CTNNA2: variants seen among roughly 807,000 people sequenced by gnomAD.
The protein encoded by CTNNA2 is catenin alpha 2.
A neutral mutation model predicts 101.0 loss-of-function variants in CTNNA2; 42 were observed. The observed-to-expected ratio is 0.42, with a 90% CI of 0.32 to 0.54. The LOEUF is 0.54. CTNNA2 is among the 20% of genes least tolerant of loss of function. The pLI is 0.14. For missense variants in CTNNA2, 871 were observed against 1,223.1 expected (o/e 0.71, Z 4.29); for synonymous variants, 450 against 456.4 (o/e 0.99, Z 0.18).
intron 1 of CTNNA2, among the ~76,000 whole-genome samples, chr2:79,649,591 G>A (rs749965723): frequency 6.6e-6 from 1 of 152,150 alleles, no homozygotes; most frequent in Admixed American, 6.5e-5. Context: ...GTTGCCCAGC[G>A]GCAGAATTCT....
intron 7 of CTNNA2, among the ~76,000 whole-genome samples, chr2:80,121,531 A>G (rs947188131): frequency 5.3e-5 from 8 of 152,190 alleles, no homozygotes; most frequent in African/African-American, 1.9e-4. Context: ...GTGCCTTAGA[A>G]TCATTAAAAG....
At chr2:79,187,784 A>G (rs1673800407) in intron 1 of CTNNA2, among the ~76,000 whole-genome samples, 2 of 152,206 alleles carry the variant, frequency 1.3e-5, no homozygotes, top group South Asian at 4.1e-4. Flanking sequence ...CAAGTAGGAA[A>G]GACTTTTGTG....
intron 7 of CTNNA2, among the ~76,000 whole-genome samples, chr2:80,118,595 T>G (rs75179110): frequency 0.016 from 2,389 of 152,374 alleles, 56 homozygotes; most frequent in African/African-American, 0.051. Context: ...AATTACGTTC[T>G]AATTTACTCA....
chr2:80,367,929 G>A (rs534106232), intron 7 of CTNNA2, among the ~76,000 whole-genome samples: 3 of 152,078 alleles, frequency 2.0e-5, no homozygotes, highest in Non-Finnish European at 4.4e-5. Context: ...GTTTAGATGT[G>A]ACTTTTGGCA....
chr2:80,505,679 G>T (rs887721918), intron 9 of CTNNA2, among the ~76,000 whole-genome samples: 2 of 152,178 alleles, frequency 1.3e-5, no homozygotes, highest in South Asian at 4.1e-4. Flanking sequence ...ATTTCAAGTT[G>T]TTCCCAACGT....
intron 3 of CTNNA2, among the ~76,000 whole-genome samples, chr2:79,828,593 A>G (rs1324646753): frequency 6.6e-6 from 1 of 152,244 alleles, no homozygotes; most frequent in African/African-American, 2.4e-5. Context: ...TCAGACAGCC[A>G]GTAAAGCAAA....
chr2:80,333,627 C>CT (rs1671534938), intron 7 of CTNNA2, among the ~76,000 whole-genome samples: 2 of 151,616 alleles, frequency 1.3e-5, no homozygotes, highest in Admixed American at 6.6e-5. Flanking sequence ...TTTTTTTCTT[C>CT]TTTTTTCTGG....
At chr2:79,424,308 C>A (rs1192890165) in intron 4 of CTNNA2, among the ~76,000 whole-genome samples, 1 of 152,216 alleles carries the variant, frequency 6.6e-6, no homozygotes, top group African/African-American at 2.4e-5. Context: ...TCAGAAAAAA[C>A]ATTCTTATGT....
rs573039363 is a variant in CTNNA2 at position 79,365,764 on chromosome 2, T to C, written c.-317-8067T>C. On this transcript the variant is annotated intron_variant, in intron 3 of 21. Coordinates refer to the CTNNA2 transcript ENST00000466387. ...AAATATGAATGTGACTCCTTCTTTGTGGTTCTTTCAGCCGCAGCAACTTTG... is the reference window on the plus strand; with the variant it reads ...AAATATGAATGTGACTCCTTCTTTGCGGTTCTTTCAGCCGCAGCAACTTTG... 2.0e-5 allele frequency among the ~76,000 whole-genome samples: 3 copies of C among 152,278 alleles called. No individual in the cohort carries two copies. In the South Asian group the frequency reaches 6.2e-4, roughly 32 times the overall value.
At chr2:80,061,739 T>G (rs1697613474) in intron 7 of CTNNA2, among the ~76,000 whole-genome samples, 1 of 152,176 alleles carries the variant, frequency 6.6e-6, no homozygotes, top group African/African-American at 2.4e-5. Flanking sequence ...TATAATACAC[T>G]GAGAGTTCTA....
chr2:79,344,258 G>A (rs1255646282), intron 3 of CTNNA2, among the ~76,000 whole-genome samples: 1 of 152,172 alleles, frequency 6.6e-6, no homozygotes, highest in Non-Finnish European at 1.5e-5. Flanking sequence ...AGAAAGCCAG[G>A]GAATGATGCT....
chr2:80,259,092 A>T (rs1672398183), intron 7 of CTNNA2, among the ~76,000 whole-genome samples: 1 of 152,068 alleles, frequency 6.6e-6, no homozygotes, highest in Non-Finnish European at 1.5e-5. Flanking sequence ...TCCAGGAGTG[A>T]TTGACTCATG....
intron 7 of CTNNA2, among the ~76,000 whole-genome samples, chr2:79,965,107 G>A (rs1689939962): frequency 1.3e-5 from 2 of 152,132 alleles, no homozygotes; most frequent in African/African-American, 4.8e-5. Context: ...AAGTCACTCC[G>A]AGGAGTCATT....
intron 7 of CTNNA2, among the ~76,000 whole-genome samples, chr2:80,111,523 T>C (rs1701207589): frequency 6.6e-6 from 1 of 152,172 alleles, no homozygotes; most frequent in African/African-American, 2.4e-5. Context: ...TATGAAGGGC[T>C]TGATGTTGAG....
intron 7 of CTNNA2, among the ~76,000 whole-genome samples, chr2:80,306,097 A>G (rs1676913793): frequency 6.6e-6 from 1 of 152,162 alleles, no homozygotes; most frequent in Non-Finnish European, 1.5e-5. Context: ...GACTGGTGGT[A>G]CTTTTCAGGA....
intron 4 of CTNNA2, among the ~76,000 whole-genome samples, chr2:79,412,668 G>A (rs1394292677): frequency 1.3e-5 from 2 of 152,116 alleles, no homozygotes; most frequent in East Asian, 1.9e-4. Context: ...CGAAATGAAG[G>A]CAGAAATAAA....
intron 2 of CTNNA2, among the ~76,000 whole-genome samples, chr2:79,664,402 T>C (rs183181749): frequency 1.8e-4 from 27 of 152,336 alleles, no homozygotes; most frequent in African/African-American, 5.5e-4. Flanking sequence ...AACTTTCTGT[T>C]ATTCCAACTG....
intron 4 of CTNNA2, chr2:79,500,699 T>G (rs1671309735): frequency 6.6e-6 from 1 of 152,218 alleles, no homozygotes; most frequent in Non-Finnish European, 1.5e-5. Flanking sequence ...GGGATGAGAT[T>G]GTCTCACGGG....
intron 9 of CTNNA2, among the ~76,000 whole-genome samples, chr2:80,461,648 AC>A (rs1684436806): frequency 6.6e-6 from 1 of 152,044 alleles, no homozygotes; most frequent in African/African-American, 2.4e-5. Flanking sequence ...ATGTTCATGT[AC>A]TGGTGCTTTT....
Sources: allele counts gnomAD v4.1 joint callset (sites outside exome capture counted in the v4.1 genomes callset), GRCh38; gene constraint gnomAD v4.1.1; transcripts MANE v1.5; gene names NCBI Gene and HGNC (gene_info 2026-07-23, HGNC 2026-07-21).